Variants in ADA2 observed in about 807,000 individuals in gnomAD.
ADA2 encodes adenosine deaminase 2, also known as adenosine deaminase CECR1.
A neutral mutation model predicts 44.2 loss-of-function variants in ADA2; 29 were observed. The ratio of observed to expected loss-of-function variants is 0.66; its 90% CI spans 0.49 to 0.89. ADA2 has a LOEUF of 0.89. Ranked by LOEUF, ADA2 falls within the 40% of genes least tolerant of loss-of-function variation. The pLI, the probability that ADA2 is intolerant of heterozygous loss-of-function variation, is 0.00. For synonymous variants in ADA2, 215 were observed against 234.9 expected, an observed-to-expected ratio of 0.92 and a Z score of 0.77; for missense variants, 637 against 644.8, an observed-to-expected ratio of 0.99 and a Z score of 0.13.
At chr22:17,203,951 G>A (rs1407482549) in intron 3 of ADA2, among the ~76,000 whole-genome samples, 178 bp from the exon 4 acceptor site, 1 of 152,178 alleles carries the variant, frequency 6.6e-6, no homozygotes, top group Non-Finnish European at 1.5e-5. Context: ...ATAAGCATGG[G>A]TCCTGTGGCC....
chr22:17,210,482 G>A (rs1294699514), intron 1 of ADA2, among the ~76,000 whole-genome samples: 5 of 151,976 alleles, frequency 3.3e-5, no homozygotes, highest in Non-Finnish European at 7.4e-5. Context: ...GAGTCACCGC[G>A]CCCGGCAGGT....
chr22:17,193,101 CAAAG>C (rs2062141825), intron 4 of ADA2: 1 of 1,186,082 alleles, frequency 8.4e-7, no homozygotes, highest in Non-Finnish European at 1.2e-6. Context: ...CAAAAAAAAA[CAAAG>C]AACACGCTGC....
intron 7 of ADA2, among the ~76,000 whole-genome samples, chr22:17,186,014 G>A (rs1158242510): frequency 2.0e-5 from 3 of 152,204 alleles, no homozygotes; most frequent in African/African-American, 7.2e-5. Context: ...TGAGATGACT[G>A]AGCGAGCCCA....
At chr22:17,220,348 T>G (rs1349669664), upstream of ADA2, among the ~76,000 whole-genome samples, 2 of 151,582 alleles carry the variant, frequency 1.3e-5, no homozygotes, top group African/African-American at 4.9e-5. Flanking sequence ...ACGGTCAGAG[T>G]CAGACCTCGC....
At chr22:17,210,944 T>A (rs1448358268) in intron 1 of ADA2, among the ~76,000 whole-genome samples, 1 of 152,170 alleles carries the variant, frequency 6.6e-6, no homozygotes, top group East Asian at 1.9e-4. Context: ...TTCAGGAGGC[T>A]GAAGCGGGAG....
chr22:17,211,359 A>T (rs2062416723), intron 1 of ADA2, among the ~76,000 whole-genome samples: 1 of 152,100 alleles, frequency 6.6e-6, no homozygotes, highest in Admixed American at 6.6e-5. Context: ...ACTCAATCTC[A>T]AAATAAATAA....
intron 1 of ADA2, among the ~76,000 whole-genome samples, chr22:17,211,668 C>T (rs1402254814): frequency 6.6e-6 from 1 of 151,834 alleles, no homozygotes; most frequent in African/African-American, 2.4e-5. Context: ...AGTGGCTCAC[C>T]CCTGTAATCC....
chr22:17,192,378 C>T (rs143531748), intron 4 of ADA2, among the ~76,000 whole-genome samples: 85 of 152,242 alleles, frequency 5.6e-4, no homozygotes, highest in African/African-American at 1.9e-3. Flanking sequence ...CTGAGAATGA[C>T]GTCATTCCCC....
intron 7 of ADA2, among the ~76,000 whole-genome samples, chr22:17,187,276 T>G (rs1416831524): frequency 1.3e-5 from 2 of 151,640 alleles, no homozygotes; most frequent in African/African-American, 4.9e-5. Context: ...TGCCTCTGCC[T>G]CCCTAAGTGC....
intron 4 of ADA2, chr22:17,199,448 C>CCTCCCCTCCTCTATCCTCTTCCCCTCA: frequency 8.9e-7 from 1 of 1,129,588 alleles, no homozygotes; most frequent in Non-Finnish European, 1.3e-6. Flanking sequence ...TCTTCCCCTC[C>CCTCCCCTCCTCTATCCTCTTCCCCTCA]ACCCACGAAG....
At chr22:17,186,075 G>A (rs986454861) in intron 7 of ADA2, among the ~76,000 whole-genome samples, 3 of 152,226 alleles carry the variant, frequency 2.0e-5, no homozygotes, top group African/African-American at 7.2e-5. Context: ...GGCGTTTCAG[G>A]AGGAACAGCA....
At chr22:17,212,781 C>CTT (rs540283421) in intron 1 of ADA2, among the ~76,000 whole-genome samples, 1 of 142,126 alleles carries the variant, frequency 7.0e-6, no homozygotes, top group East Asian at 2.0e-4. Context: ...TTCTTTCTTT[C>CTT]TTTTTTTTTT....
rs1357805949 is a variant in ADA2, at chr22:17,181,982, G to T, written c.1280C>A (p.Ala427Asp). The change falls in exon 9 of 10, where the codon GCC becomes GAC. Residue 427 changes from alanine (A) to aspartate (D), a missense_variant. Physicochemically the swap from Ala to Asp is moderately radical, Grantham distance 126 (BLOSUM62 -2). Coordinates refer to ENST00000399837, the MANE Select transcript of ADA2 (RefSeq NM_001282225.2). ...LVSDLRNHPV[A>D]TLMATGHPMV... Reference sequence around the variant, plus strand: ...GGGGTGCCCAGTGGCCATCAGAGTGGCTACAGGGTGGTTCCTCAAGTCAGA... The same window carrying T: ...GGGGTGCCCAGTGGCCATCAGAGTGTCTACAGGGTGGTTCCTCAAGTCAGA... 3 of 1,614,114 alleles carry T rather than the reference G, an allele frequency of 1.9e-6. No individual in the cohort carries two copies. Among genetic ancestry groups the T allele is most frequent in the Non-Finnish European group, 1.7e-6 (2 of 1,180,002 alleles).
upstream of ADA2, among the ~76,000 whole-genome samples, chr22:17,220,150 G>A (rs901671074): frequency 1.3e-5 from 2 of 151,996 alleles, no homozygotes; most frequent in Admixed American, 1.3e-4. Flanking sequence ...TGGACTGTGG[G>A]GCAACCCATT....
intron 4 of ADA2, among the ~76,000 whole-genome samples, chr22:17,196,667 T>G (rs1412824151): frequency 6.6e-6 from 1 of 152,018 alleles, no homozygotes; most frequent in Non-Finnish European, 1.5e-5. Flanking sequence ...CCCCACCTCC[T>G]CTCCTATGGC....
chr22:17,214,065 A>G, intron 1 of ADA2: 2 of 531,852 alleles, frequency 3.8e-6, no homozygotes, highest in South Asian at 3.4e-5. Context: ...AAAAAATAGC[A>G]TCCAAAACCC....
intron 4 of ADA2, among the ~76,000 whole-genome samples, chr22:17,193,780 T>A (rs1444683504): frequency 6.6e-6 from 1 of 151,618 alleles, no homozygotes; most frequent in African/African-American, 2.4e-5. Flanking sequence ...TGGCATCAGT[T>A]AAGCCCTTAT....
intron 7 of ADA2, among the ~76,000 whole-genome samples, chr22:17,183,254 T>G (rs2061993824): frequency 1.3e-5 from 2 of 151,986 alleles, no homozygotes; most frequent in African/African-American, 4.8e-5. Flanking sequence ...CAGATAATTT[T>G]TTGTATTTTT....
intron 5 of ADA2, among the ~76,000 whole-genome samples, chr22:17,190,995 G>A (rs954006579): frequency 6.6e-6 from 1 of 152,246 alleles, no homozygotes; most frequent in Non-Finnish European, 1.5e-5. Context: ...GGGAGCCGCT[G>A]CCGGATCCCT....
Sources: allele counts gnomAD v4.1 joint callset (sites outside exome capture counted in the v4.1 genomes callset), GRCh38; gene constraint gnomAD v4.1.1; transcripts MANE v1.5; gene names NCBI Gene and HGNC (gene_info 2026-07-23, HGNC 2026-07-21).